The following WNK3 variants were observed in gnomAD, a reference collection of about 807,000 sequenced individuals.
WNK3 encodes serine/threonine-protein kinase WNK3.
Under a neutral mutation model 116.7 loss-of-function variants are expected in WNK3, and 18 were observed. That is an observed-to-expected ratio of 0.15 (90% CI 0.11 to 0.23). The LOEUF (loss-of-function observed/expected upper bound fraction) is 0.23. Among genes scored for constraint, WNK3 ranks in the 10% least tolerant of loss-of-function variants. WNK3 has a pLI of 1.00. For missense variants in WNK3, 993 were observed against 1,323.8 expected, an observed-to-expected ratio of 0.75 and a Z score of 3.88; for synonymous variants, 404 against 469.4, an observed-to-expected ratio of 0.86 and a Z score of 1.80.
chrX:54,351,912 A>AAAAAC lies in WNK3; in HGVS notation c.-120+5769_-120+5773dup, dbSNP rs782572951. On this transcript the variant is annotated intron_variant, in intron 1 of 23. Transcript: ENST00000354646. ...GGGTGACAGAGTGAGACTGCATCTCAAAAACAAAACAAAACAAAACAATAA... is the reference window on the plus strand; with the variant it reads ...GGGTGACAGAGTGAGACTGCATCTCAAAAACAAAACAAAACAAAACAAAACAATAA... 7.7e-3 allele frequency among the ~76,000 whole-genome samples: 862 copies of AAAAAC among 112,011 alleles called. 9 individuals are homozygous for AAAAAC. Among genetic ancestry groups the AAAAAC allele is most frequent in the African/African-American group, 0.027 (828 of 30,831 alleles).
intron 22 of WNK3, among the ~76,000 whole-genome samples, chrX:54,213,925 A>G (rs1353209475): frequency 9.0e-6 from 1 of 111,175 alleles, no homozygotes; most frequent in Admixed American, 9.6e-5. Context: ...AACATGAAAT[A>G]CGTAATCTAA....
In WNK3 at chrX:54,333,804, G is replaced by A. The variant is rs1366491095; in HGVS notation, c.-119-12C>T. On this transcript the variant is annotated splice_polypyrimidine_tract_variant and intron_variant, in intron 1 of 23. Coordinates refer to ENST00000354646, the Ensembl canonical transcript of WNK3. ...ATTTCCATAGCAACCTGAAGGGGGG[G>A]AAAAAGATATTTTAAAATCACCCTA... 1 of 453,905 alleles carries A rather than the reference G, an allele frequency of 2.2e-6. No homozygotes were observed. The highest frequency in any genetic ancestry group is 3.6e-6 in the Non-Finnish European group (1 of 274,394). 37.4% of individuals were successfully genotyped at this position (453,905 alleles called of 1,213,427 possible). A position where few individuals can be genotyped will look rare whatever the true frequency, so the allele number is the denominator to read the frequency against.
At chrX:54,285,978 T>G (rs1225685089) in intron 10 of WNK3, among the ~76,000 whole-genome samples, 1 of 111,731 alleles carries the variant, frequency 9.0e-6, no homozygotes, top group Non-Finnish European at 1.9e-5. Flanking sequence ...ATAGAGCAGA[T>G]AGAGCAAAAG....
chrX:54,289,885 T>G (rs2068620747), intron 10 of WNK3, among the ~76,000 whole-genome samples: 1 of 111,833 alleles, frequency 8.9e-6, no homozygotes, highest in African/African-American at 3.2e-5. Context: ...TAATGCCTGA[T>G]TCCCATTTCT....
At chrX:54,352,374 T>C (rs1479888268) in intron 1 of WNK3, among the ~76,000 whole-genome samples, 1 of 111,576 alleles carries the variant, frequency 9.0e-6, no homozygotes, top group African/African-American at 3.3e-5. Flanking sequence ...TGGTGGTTTC[T>C]CAACAAGTTA....
At chrX:54,350,243 A>G (rs1238312834) in intron 1 of WNK3, among the ~76,000 whole-genome samples, 3 of 110,795 alleles carry the variant, frequency 2.7e-5, no homozygotes, top group Non-Finnish European at 5.7e-5. Flanking sequence ...CCCCGTCTCT[A>G]CTAAAAATAC....
At chrX:54,197,562 T>TAAA (rs1450846101) in exon 24 of WNK3, 1 of 109,590 alleles carries the variant, frequency 9.1e-6, no homozygotes, top group African/African-American at 3.3e-5. Flanking sequence ...CATCCTCTAC[T>TAAA]AAAAATACAA....
Position 54,209,596 on chromosome X carries a change from G to A in WNK3, c.4871-7403C>T, listed in dbSNP as rs1370058879. ...GATGGAGTCTTGCTCTGTCACCCAG[G>A]CTGGAGTGCAGTGGCGTGATCTCAG... On this transcript the variant is annotated intron_variant, in intron 22 of 23. Coordinates refer to ENST00000354646, the Ensembl canonical transcript of WNK3. Among the ~76,000 whole-genome samples, 3 of 88,744 alleles carry A rather than the reference G, an allele frequency of 3.4e-5. No individual in the cohort carries two copies. The Admixed American group carries it at 3.9e-4, about 11-fold the overall frequency. The allele number at this position is 88,744 out of a possible 115,157, so 77.1% of individuals were successfully genotyped here. A position where few individuals can be genotyped will look rare whatever the true frequency, so the allele number is the denominator to read the frequency against.
At chrX:54,219,662 C>T (rs1213185013) in intron 22 of WNK3, among the ~76,000 whole-genome samples, 1 of 74,622 alleles carries the variant, frequency 1.3e-5, no homozygotes, top group Non-Finnish European at 2.4e-5. Context: ...AACGAGACTC[C>T]ATCTCCCAAA....
chrX:54,333,693 A>G, exon 2 of WNK3: 5 of 1,167,513 alleles, frequency 4.3e-6, no homozygotes, highest in Non-Finnish European at 5.7e-6. Context: ...AGTTGGCACT[A>G]AAATTTTTCC....
At chrX:54,256,816 GT>G (rs2068197543) in intron 11 of WNK3, among the ~76,000 whole-genome samples, 1 of 112,356 alleles carries the variant, frequency 8.9e-6, no homozygotes, top group Admixed American at 9.5e-5. Context: ...GCCCTTAAGA[GT>G]TTTTTAAATA....
At chrX:54,248,305 C>A (rs962759126) in intron 17 of WNK3, among the ~76,000 whole-genome samples, 1 of 109,629 alleles carries the variant, frequency 9.1e-6, no homozygotes, top group Non-Finnish European at 1.9e-5. Flanking sequence ...CAAATTAAAT[C>A]CCCCCAAACA....
intron 1 of WNK3, chrX:54,343,732 G>T (rs2069364242): frequency 9.1e-6 from 1 of 110,197 alleles, no homozygotes; most frequent in South Asian, 3.9e-4. Context: ...TGTGATCACG[G>T]TTCACTGCAG....
At chrX:54,307,835 A>G in intron 5 of WNK3, 87 bp downstream of exon 5, 2 of 925,459 alleles carry the variant, frequency 2.2e-6, no homozygotes, top group South Asian at 2.9e-5. Flanking sequence ...GAGCTAAACC[A>G]AAATTAGTTT....
intron 22 of WNK3, among the ~76,000 whole-genome samples, chrX:54,222,939 TAAA>T (rs10591701): frequency 1.1e-5 from 1 of 89,727 alleles, no homozygotes; most frequent in African/African-American, 4.5e-5. Flanking sequence ...TATATATATA[TAAA>T]AAAAGACACA....
At chrX:54,250,104 A>G in exon 16 of WNK3, 1 of 1,196,252 alleles carries the variant, frequency 8.4e-7, no homozygotes, top group Non-Finnish European at 1.1e-6. Flanking sequence ...CCACCGACCA[A>G]CTGGGGATGA....
chrX:54,198,750 T>C, intron 23 of WNK3, 97 bp from the exon 24 acceptor site: 3 of 643,665 alleles, frequency 4.7e-6, no homozygotes, highest in Non-Finnish European at 6.7e-6. Flanking sequence ...CTATTGCTGC[T>C]GCACAAATGA....
chrX:54,296,659 G>A (rs2068701556), intron 7 of WNK3, among the ~76,000 whole-genome samples: 1 of 111,434 alleles, frequency 9.0e-6, no homozygotes, highest in Non-Finnish European at 1.9e-5. Flanking sequence ...ACATGTTAAA[G>A]GCTATCATTT....
At chrX:54,284,611 T>C (rs1557163510) in intron 10 of WNK3, among the ~76,000 whole-genome samples, 1 of 111,954 alleles carries the variant, frequency 8.9e-6, no homozygotes, top group Non-Finnish European at 1.9e-5. Flanking sequence ...CTTAGGTGTC[T>C]GTGAATAGGA....
Sources: allele counts gnomAD v4.1 joint callset (sites outside exome capture counted in the v4.1 genomes callset), GRCh38; gene constraint gnomAD v4.1.1; transcripts MANE v1.5; gene names NCBI Gene and HGNC (gene_info 2026-07-23, HGNC 2026-07-21).